Variants in SLC24A2 observed in about 807,000 individuals in gnomAD.
The protein encoded by SLC24A2 is solute carrier family 24 member 2.
Under a neutral mutation model 62.0 loss-of-function variants are expected in SLC24A2, and 36 were observed. That is an observed-to-expected ratio of 0.58 (90% confidence interval 0.44 to 0.77). The LOEUF (loss-of-function observed/expected upper bound fraction) is 0.77, where lower values mean the gene tolerates loss of function less well. Among genes scored for constraint, SLC24A2 ranks in the 30% least tolerant of loss-of-function variants. The probability of loss-of-function intolerance (pLI) is 0.00; values close to 1 mark genes in which losing one functional copy is unlikely to be tolerated. For synonymous variants in SLC24A2, 358 were observed against 294.0 expected, an observed-to-expected ratio of 1.22 and a Z score of -2.23; for missense variants, 846 against 817.9, an observed-to-expected ratio of 1.03 and a Z score of -0.42.
At chr9:20,084,428 CTCCTTTCT>C in the SLC24A2 span, among the ~76,000 whole-genome samples, 1 of 151,932 alleles carries the variant, frequency 6.6e-6, no homozygotes, top group Non-Finnish European at 1.5e-5. Flanking sequence ...CAGAATTCCC[CTCCTTTCT>C]TCCTTTCTTC....
the SLC24A2 span, among the ~76,000 whole-genome samples, chr9:19,946,689 A>G: frequency 2.0e-5 from 3 of 152,240 alleles, no homozygotes; most frequent in African/African-American, 7.2e-5. Flanking sequence ...TTCTCAGATA[A>G]GAAAGGGCCC....
chr9:19,870,631 G>A, the SLC24A2 span, among the ~76,000 whole-genome samples: 1 of 152,074 alleles, frequency 6.6e-6, no homozygotes, highest in African/African-American at 2.4e-5. Flanking sequence ...CACCAGCAGT[G>A]TATGTGGATT....
At chr9:20,145,264 C>T in the SLC24A2 span, among the ~76,000 whole-genome samples, 16 of 152,094 alleles carry the variant, frequency 1.1e-4, no homozygotes, top group African/African-American at 3.9e-4. Flanking sequence ...TAAAAGTGGG[C>T]TCGTTGCTCT....
chr9:19,984,903 T>C, the SLC24A2 span, among the ~76,000 whole-genome samples: 6 of 152,088 alleles, frequency 3.9e-5, no homozygotes, highest in Admixed American at 6.6e-5. Flanking sequence ...GAGGAGTATA[T>C]GGGAACTTGT....
the SLC24A2 span, among the ~76,000 whole-genome samples, chr9:20,109,469 G>C: frequency 1.3e-5 from 2 of 152,126 alleles, no homozygotes; most frequent in Admixed American, 6.6e-5. Flanking sequence ...CTTCCCTTCT[G>C]CAAGTCTCAA....
the SLC24A2 span, among the ~76,000 whole-genome samples, chr9:19,976,327 G>C: frequency 6.6e-6 from 1 of 152,232 alleles, no homozygotes; most frequent in Admixed American, 6.5e-5. Flanking sequence ...CCTGGTGGGA[G>C]GTGACTGAAT....
At chr9:19,551,740 TGAG>T (rs1834856669) in intron 7 of SLC24A2, among the ~76,000 whole-genome samples, 2 of 152,066 alleles carry the variant, frequency 1.3e-5, no homozygotes, top group African/African-American at 4.8e-5. Flanking sequence ...CAGCTGGCCT[TGAG>T]GAGAGGTCAG....
At chr9:19,788,820 C>T in intron 1 of SLC24A2, 65 bp downstream of exon 1, 2 of 985,428 alleles carry the variant, frequency 2.0e-6, no homozygotes, top group African/African-American at 1.7e-5. Flanking sequence ...TGCGCGCAAC[C>T]GGGATGCGGG....
chr9:19,737,111 C>A (rs1372383959), intron 2 of SLC24A2, among the ~76,000 whole-genome samples: 1 of 152,154 alleles, frequency 6.6e-6, no homozygotes, highest in Non-Finnish European at 1.5e-5. Context: ...GCTACCTTTT[C>A]CTCTTTGCAG....
intron 2 of SLC24A2, among the ~76,000 whole-genome samples, chr9:19,676,700 C>T (rs1475694203): frequency 6.6e-6 from 1 of 152,116 alleles, no homozygotes; most frequent in Admixed American, 6.5e-5. Context: ...CTGGCAATCC[C>T]ATTCCAGTTA....
the SLC24A2 span, among the ~76,000 whole-genome samples, chr9:20,226,705 G>A: frequency 2.0e-5 from 3 of 152,016 alleles, no homozygotes; most frequent in East Asian, 1.9e-4. Flanking sequence ...TTCCTGTCTC[G>A]TCATCTAGTG....
At chr9:20,263,003 T>C in the SLC24A2 span, among the ~76,000 whole-genome samples, 1 of 152,130 alleles carries the variant, frequency 6.6e-6, no homozygotes, top group African/African-American at 2.4e-5. Flanking sequence ...AAGAAATAAA[T>C]CAGGGTGGAA....
At chr9:20,172,660 T>C in the SLC24A2 span, among the ~76,000 whole-genome samples, 10 of 151,982 alleles carry the variant, frequency 6.6e-5, no homozygotes, top group African/African-American at 2.4e-4. Flanking sequence ...AAGAATTAGA[T>C]ACCCTGAACA....
chr9:20,169,786 C>G, the SLC24A2 span, among the ~76,000 whole-genome samples: 4 of 151,750 alleles, frequency 2.6e-5, no homozygotes, highest in Admixed American at 2.6e-4. Context: ...GACACCCCCC[C>G]AAAAAATCAC....
At chr9:19,646,911 C>T (rs1818652345) in intron 2 of SLC24A2, among the ~76,000 whole-genome samples, 1 of 152,098 alleles carries the variant, frequency 6.6e-6, no homozygotes, top group Admixed American at 6.6e-5. Context: ...AGTTACATTA[C>T]TTAACTGGAA....
chr9:20,104,132 G>C, the SLC24A2 span, among the ~76,000 whole-genome samples: 1 of 152,156 alleles, frequency 6.6e-6, no homozygotes, highest in Non-Finnish European at 1.5e-5. Context: ...AATGAAGTGA[G>C]AAGGGAAGTT....
At chr9:20,291,533 T>A in the SLC24A2 span, among the ~76,000 whole-genome samples, 1 of 152,106 alleles carries the variant, frequency 6.6e-6, no homozygotes, top group Non-Finnish European at 1.5e-5. Flanking sequence ...GCAGACACCT[T>A]ATAAATGGAG....
the SLC24A2 span, among the ~76,000 whole-genome samples, chr9:20,287,436 A>G: frequency 6.6e-6 from 1 of 151,834 alleles, no homozygotes; most frequent in Non-Finnish European, 1.5e-5. Context: ...GAGCCTATCA[A>G]CTCCCCTGGG....
At chr9:19,914,532 T>C in the SLC24A2 span, among the ~76,000 whole-genome samples, 1 of 151,998 alleles carries the variant, frequency 6.6e-6, no homozygotes, top group African/African-American at 2.4e-5. Flanking sequence ...AAAAAGGCTA[T>C]CCTCAGGTCT....
Sources: allele counts gnomAD v4.1 joint callset (sites outside exome capture counted in the v4.1 genomes callset), GRCh38; gene constraint gnomAD v4.1.1; transcripts MANE v1.5; gene names NCBI Gene and HGNC (gene_info 2026-07-23, HGNC 2026-07-21).